Variants in MAML3 observed in about 807,000 individuals in gnomAD.
MAML3 encodes mastermind-like protein 3.
A neutral mutation model predicts 101.9 loss-of-function variants in MAML3; 27 were observed. That is an observed-to-expected ratio of 0.27 (90% CI 0.20 to 0.37). MAML3 has a LOEUF of 0.37. MAML3 is among the 10% of genes least tolerant of loss of function. The probability of loss-of-function intolerance (pLI) is 1.00; values close to 1 mark genes in which losing one functional copy is unlikely to be tolerated. For synonymous variants in MAML3, 501 were observed against 555.9 expected (o/e 0.90, Z 1.39); for missense variants, 1,316 against 1,444.9 (o/e 0.91, Z 1.45).
intron 1 of MAML3, among the ~76,000 whole-genome samples, chr4:140,055,170 T>A (rs189223805): frequency 4.3e-4 from 66 of 152,308 alleles, no homozygotes; most frequent in African/African-American, 1.5e-3. Context: ...CTACCCCAAA[T>A]ATCTCATTTA....
At chr4:139,787,231 TGTA>T (rs1730322930) in intron 2 of MAML3, among the ~76,000 whole-genome samples, 1 of 152,212 alleles carries the variant, frequency 6.6e-6, no homozygotes, top group Non-Finnish European at 1.5e-5. Context: ...TAAATGTTAA[TGTA>T]GTTCTGTGCC....
intron 1 of MAML3, among the ~76,000 whole-genome samples, chr4:139,913,512 G>C (rs958804951): frequency 2.6e-5 from 4 of 152,136 alleles, no homozygotes; most frequent in African/African-American, 9.7e-5. Flanking sequence ...TGAGTTTCAT[G>C]GGGGAAAAGT....
intron 2 of MAML3, among the ~76,000 whole-genome samples, chr4:139,753,942 A>G (rs61661401): frequency 0.023 from 3,522 of 152,298 alleles, 140 homozygotes; most frequent in African/African-American, 0.079. Flanking sequence ...CTCTGTCTGG[A>G]GACTGGGGTG....
chr4:139,836,170 G>A (rs943207718), intron 2 of MAML3, among the ~76,000 whole-genome samples: 5 of 152,168 alleles, frequency 3.3e-5, no homozygotes, highest in Non-Finnish European at 7.3e-5. Flanking sequence ...AGTTTCTATA[G>A]ATAAACTACA....
Position 140,082,297 on chromosome 4 carries a change from A to G in MAML3, c.468+70563T>C, listed in dbSNP as rs145731447. ...AAGTGGGACGAATCTGGTCATCTCC[A>G]TATGTTCTCATAGTGAAATTCTTCT... On this transcript the variant is annotated intron_variant, in intron 1 of 4. Coordinates refer to ENST00000509479, the MANE Select transcript of MAML3 (RefSeq NM_018717.5). 1.5e-3 allele frequency among the ~76,000 whole-genome samples: 231 copies of G among 152,300 alleles called. 5 individuals carry two copies. In the East Asian group the frequency reaches 0.038, roughly 25 times the overall value.
At chr4:139,842,585 C>G (rs1242932686) in intron 2 of MAML3, among the ~76,000 whole-genome samples, 10 of 151,974 alleles carry the variant, frequency 6.6e-5, no homozygotes, top group Non-Finnish European at 1.5e-4. Flanking sequence ...GTGGTGCAAT[C>G]TTGGCTCACT....
At chr4:140,132,211 G>A (rs541340995) in intron 1 of MAML3, among the ~76,000 whole-genome samples, 10 of 152,324 alleles carry the variant, frequency 6.6e-5, no homozygotes, top group East Asian at 3.9e-4. Context: ...ACGAATGCTC[G>A]TGCTCCCTTG....
chr4:140,021,932 CATT>C, intron 1 of MAML3, among the ~76,000 whole-genome samples: 1 of 152,242 alleles, frequency 6.6e-6, no homozygotes. Context: ...AGATGGATAC[CATT>C]ATTATCCCCA....
chr4:139,809,663 A>T (rs1053365074), intron 2 of MAML3, among the ~76,000 whole-genome samples: 3 of 152,042 alleles, frequency 2.0e-5, no homozygotes, highest in Non-Finnish European at 2.9e-5. Context: ...CGGAAACCAT[A>T]TGTGTTCTCA....
At chr4:139,769,936 T>C (rs1372413965) in intron 2 of MAML3, among the ~76,000 whole-genome samples, 1 of 73,784 alleles carries the variant, frequency 1.4e-5, no homozygotes, top group African/African-American at 4.9e-5. Flanking sequence ...TTTTTTTTTT[T>C]AAAGACACAG....
intron 1 of MAML3, among the ~76,000 whole-genome samples, chr4:139,930,412 G>A (rs553563200): frequency 1.3e-5 from 2 of 152,260 alleles, no homozygotes; most frequent in South Asian, 2.1e-4. Context: ...GTGCAAAGAC[G>A]AAGAGGAACG....
intron 1 of MAML3, among the ~76,000 whole-genome samples, chr4:139,950,522 C>T (rs990601043): frequency 2.0e-5 from 3 of 152,178 alleles, no homozygotes; most frequent in African/African-American, 7.2e-5. Context: ...ACCTTTTTCA[C>T]AGGAGACCCT....
intron 1 of MAML3, among the ~76,000 whole-genome samples, chr4:139,942,543 C>T (rs921553004): frequency 6.6e-6 from 1 of 152,084 alleles, no homozygotes; most frequent in African/African-American, 2.4e-5. Flanking sequence ...TGAGGTCACT[C>T]GGCCCCCTTT....
chr4:139,758,645 A>C (rs1040137090), intron 2 of MAML3, among the ~76,000 whole-genome samples: 3 of 152,206 alleles, frequency 2.0e-5, no homozygotes, highest in Admixed American at 6.5e-5. Flanking sequence ...TCGGTACGTT[A>C]TCAAACATTT....
intron 1 of MAML3, among the ~76,000 whole-genome samples, chr4:139,912,803 G>A (rs1732956850): frequency 1.3e-5 from 2 of 152,248 alleles, no homozygotes; most frequent in African/African-American, 4.8e-5. Context: ...TCTCTGCAGA[G>A]TCTCAGAGGA....
chr4:139,746,692 C>G (rs1467956834), intron 2 of MAML3, among the ~76,000 whole-genome samples: 1 of 152,206 alleles, frequency 6.6e-6, no homozygotes, highest in Non-Finnish European at 1.5e-5. Flanking sequence ...CCTCCGCAGG[C>G]AGCCAATTTG....
At chr4:139,966,408 A>G (rs1421335724) in intron 1 of MAML3, among the ~76,000 whole-genome samples, 1 of 152,190 alleles carries the variant, frequency 6.6e-6, no homozygotes, top group Non-Finnish European at 1.5e-5. Flanking sequence ...AGAAACATGC[A>G]AGGATTTTTC....
At chr4:139,983,495 C>T (rs1734482575) in intron 1 of MAML3, among the ~76,000 whole-genome samples, 3 of 152,108 alleles carry the variant, frequency 2.0e-5, no homozygotes, top group Admixed American at 2.0e-4. Context: ...AGGCTTGGGA[C>T]CAGAAAGGCT....
intron 1 of MAML3, among the ~76,000 whole-genome samples, chr4:139,983,584 G>A (rs925286519): frequency 1.8e-4 from 28 of 152,116 alleles, no homozygotes; most frequent in African/African-American, 6.3e-4. Context: ...AAAAATATCC[G>A]AAACCCAAAA....
Sources: allele counts gnomAD v4.1 joint callset (sites outside exome capture counted in the v4.1 genomes callset), GRCh38; gene constraint gnomAD v4.1.1; transcripts MANE v1.5; gene names NCBI Gene and HGNC (gene_info 2026-07-23, HGNC 2026-07-21).